GLIS3: variants seen among roughly 807,000 people sequenced by gnomAD.
GLIS3 encodes the protein GLIS family zinc finger 3.
GLIS3 carries 53 observed loss-of-function variants against 78.6 expected under a neutral mutation model. That is an observed-to-expected ratio of 0.67 (90% CI 0.54 to 0.85). The LOEUF (loss-of-function observed/expected upper bound fraction) is 0.85, where lower values mean the gene tolerates loss of function less well. Among genes scored for constraint, GLIS3 ranks in the 40% least tolerant of loss-of-function variants. GLIS3 has a pLI of 0.00. For missense variants in GLIS3, 1,703 were observed against 1,231.1 expected, an observed-to-expected ratio of 1.38 and a Z score of -5.74; for synonymous variants, 684 against 509.9, an observed-to-expected ratio of 1.34 and a Z score of -4.60.
intron 2 of GLIS3, among the ~76,000 whole-genome samples, chr9:4,206,318 C>G (rs1217188806): frequency 6.6e-6 from 1 of 152,104 alleles, no homozygotes; most frequent in Non-Finnish European, 1.5e-5. Context: ...TGAGGGTGTT[C>G]TAAAAAATTA....
the GLIS3 span, among the ~76,000 whole-genome samples, chr9:4,392,167 A>T: frequency 6.6e-6 from 1 of 151,330 alleles, no homozygotes; most frequent in East Asian, 2.0e-4. Context: ...AACCAGCACA[A>T]GTTCTCACTC....
At chr9:4,455,436 T>C in the GLIS3 span, among the ~76,000 whole-genome samples, 1 of 152,066 alleles carries the variant, frequency 6.6e-6, no homozygotes, top group Admixed American at 6.5e-5. Context: ...AAGTTAGGCA[T>C]CTTGTATAGT....
At chr9:4,457,835 C>T in the GLIS3 span, among the ~76,000 whole-genome samples, 13 of 136,252 alleles carry the variant, frequency 9.5e-5, no homozygotes, top group South Asian at 2.5e-4. Flanking sequence ...GGCGACAGAA[C>T]GAGACTCCAT....
chr9:4,283,682 T>C (rs10974435), intron 2 of GLIS3, among the ~76,000 whole-genome samples: 58,686 of 152,090 alleles, frequency 0.39, 13,170 homozygotes, highest in East Asian at 0.52. Flanking sequence ...CCATAATATA[T>C]GCTCAATAAT....
the GLIS3 span, among the ~76,000 whole-genome samples, chr9:4,399,106 G>T: frequency 6.6e-6 from 1 of 152,140 alleles, no homozygotes; most frequent in Non-Finnish European, 1.5e-5. Context: ...TACCATTGCA[G>T]GATGATTATA....
chr9:3,892,953 C>T (rs1016217355), intron 7 of GLIS3, among the ~76,000 whole-genome samples: 2 of 151,852 alleles, frequency 1.3e-5, no homozygotes, highest in Non-Finnish European at 2.9e-5. Context: ...AAATTATACA[C>T]ATCTAACTTT....
chr9:4,238,580 C>G (rs1822997718), intron 2 of GLIS3, among the ~76,000 whole-genome samples: 1 of 152,218 alleles, frequency 6.6e-6, no homozygotes, highest in South Asian at 2.1e-4. Flanking sequence ...CCAAAGAAAG[C>G]TTAACCCTTT....
At chr9:4,277,514 A>C (rs577020847) in intron 2 of GLIS3, among the ~76,000 whole-genome samples, 2 of 152,354 alleles carry the variant, frequency 1.3e-5, no homozygotes, top group African/African-American at 4.8e-5. Flanking sequence ...TAAGTGACAC[A>C]AAAGAGTTTT....
rs1472648702 is a variant in GLIS3 at position 4,157,715 on chromosome 9, G to A, written c.389-31774C>T. Among the ~76,000 whole-genome samples, 10 of 152,238 alleles carry A rather than the reference G, an allele frequency of 6.6e-5. No homozygotes were observed. The South Asian group carries it at 1.7e-3, about 25-fold the overall frequency. On this transcript the variant is annotated intron_variant, in intron 2 of 10. Coordinates refer to ENST00000381971, the MANE Select transcript of GLIS3 (RefSeq NM_001042413.2). ...TCCTTTAGTGCATGCATTACAGGAG[G>A]ATTTACGAGTGCTTCCACAAAGCAC...
Position 3,960,050 on chromosome 9 carries a change from T to C in GLIS3, c.1711-22861A>G, listed in dbSNP as rs138551851. ...ACCTGTAATCTCAGTTGCAGAAGAA[T>C]TGCTTGAACCGAGGAGGCGGAGGTT... On this transcript the variant is annotated intron_variant, in intron 4 of 10. Coordinates refer to ENST00000381971, the MANE Select transcript of GLIS3 (RefSeq NM_001042413.2). 3.0e-3 allele frequency among the ~76,000 whole-genome samples: 461 copies of C among 152,252 alleles called. 4 individuals carry two copies. The highest frequency in any genetic ancestry group is 0.01 in the African/African-American group (434 of 41,554).
At chr9:4,463,970 T>A in the GLIS3 span, among the ~76,000 whole-genome samples, 1 of 152,040 alleles carries the variant, frequency 6.6e-6, no homozygotes, top group African/African-American at 2.4e-5. Flanking sequence ...AGAAAAAAAA[T>A]TTGGAATGTC....
chr9:4,399,558 T>A, the GLIS3 span, among the ~76,000 whole-genome samples: 1 of 152,260 alleles, frequency 6.6e-6, no homozygotes, highest in Non-Finnish European at 1.5e-5. Context: ...ATGCTGCATT[T>A]CTTTTACAAC....
At chr9:3,871,168 A>G (rs371815957) in intron 8 of GLIS3, among the ~76,000 whole-genome samples, 1 of 152,204 alleles carries the variant, frequency 6.6e-6, no homozygotes, top group African/African-American at 2.4e-5. Context: ...CACTGATGCA[A>G]GAGGTGGGTT....
At chr9:3,888,217 GT>G (rs1209923825) in intron 7 of GLIS3, among the ~76,000 whole-genome samples, 1 of 152,130 alleles carries the variant, frequency 6.6e-6, no homozygotes, top group Non-Finnish European at 1.5e-5. Context: ...GGAAATAAAA[GT>G]TTTACTTGGC....
intron 5 of GLIS3, among the ~76,000 whole-genome samples, chr9:3,935,894 G>T (rs772454871): frequency 6.6e-6 from 1 of 152,066 alleles, no homozygotes; most frequent in Non-Finnish European, 1.5e-5. Context: ...GCAAACCATC[G>T]CATTTATGCA....
rs369092025 is a variant in GLIS3, at chr9:4,286,398, G to T, written c.28C>A (p.Leu10Ile). Residue 10 changes from leucine to isoleucine, a missense_variant, in exon 2 of 11, where the codon CTC becomes ATC. By Grantham distance (5) the Leu-to-Ile change is conservative. Coordinates refer to ENST00000381971, the MANE Select transcript of GLIS3 (RefSeq NM_001042413.2). Reference protein sequence around the residue: MNGRSCSMSLHRTSGTPQGP... With the variant: MNGRSCSMSIHRTSGTPQGP... Reference sequence around the variant, plus strand: ...TGTGGGGTTCCCGATGTCCGGTGGAGACTCATGCTGCATGATCTTCCATTC... The same window carrying T: ...TGTGGGGTTCCCGATGTCCGGTGGATACTCATGCTGCATGATCTTCCATTC... 2.5e-6 allele frequency: 4 copies of T among 1,614,036 alleles called. No homozygotes were observed. The highest frequency in any genetic ancestry group is 1.7e-5 in the Admixed American group (1 of 60,016).
At chr9:4,218,082 T>A (rs887746540) in intron 2 of GLIS3, among the ~76,000 whole-genome samples, 1 of 152,138 alleles carries the variant, frequency 6.6e-6, no homozygotes, top group African/African-American at 2.4e-5. Flanking sequence ...ACAAACCCAA[T>A]CCTGTTCCTC....
chr9:4,017,777 G>A (rs1205369764), intron 4 of GLIS3, among the ~76,000 whole-genome samples: 1 of 152,158 alleles, frequency 6.6e-6, no homozygotes, highest in Non-Finnish European at 1.5e-5. Flanking sequence ...CTTCCAAAGT[G>A]GTAGTTTTTC....
At chr9:4,009,089 A>T (rs1365647334) in intron 4 of GLIS3, among the ~76,000 whole-genome samples, 1 of 152,198 alleles carries the variant, frequency 6.6e-6, no homozygotes, top group South Asian at 2.1e-4. Context: ...AAAATGATGC[A>T]TTTATAGATT....
Sources: gnomAD v4.1 joint callset for allele counts (sites outside exome capture counted in the v4.1 genomes callset) on GRCh38, gnomAD v4.1.1 for gene constraint, MANE v1.5 for transcripts, NCBI Gene and HGNC (gene_info 2026-07-23, HGNC 2026-07-21) for gene names.